LPIN1: variants seen among roughly 807,000 people sequenced by gnomAD.
LPIN1 encodes the protein lipin 1.
LPIN1 carries 71 observed loss-of-function variants against 107.5 expected under a neutral mutation model. The ratio of observed to expected loss-of-function variants is 0.66; its 90% CI spans 0.55 to 0.80. The LOEUF (loss-of-function observed/expected upper bound fraction) is 0.80. Among genes scored for constraint, LPIN1 ranks in the 30% least tolerant of loss-of-function variants. LPIN1 has a pLI of 0.00. For synonymous variants in LPIN1, 445 were observed against 452.6 expected (o/e 0.98, Z 0.21); for missense variants, 1,043 against 1,160.6 (o/e 0.90, Z 1.47).
intron 8 of LPIN1, among the ~76,000 whole-genome samples, chr2:11,782,757 A>G (rs1324618713): frequency 6.6e-6 from 1 of 152,174 alleles, no homozygotes; most frequent in Non-Finnish European, 1.5e-5. Flanking sequence ...GCTCGCTGAG[A>G]CCTGGGAGAG....
At chr2:11,764,041 A>C (rs1670314861) in intron 1 of LPIN1, among the ~76,000 whole-genome samples, 1 of 137,852 alleles carries the variant, frequency 7.3e-6, no homozygotes, top group Non-Finnish European at 1.5e-5. Flanking sequence ...CCAGAGCAAG[A>C]TCCTATCTTC....
chr2:11,691,392 G>A (rs1424499805), intron 1 of LPIN1, among the ~76,000 whole-genome samples: 4 of 152,074 alleles, frequency 2.6e-5, no homozygotes, highest in Non-Finnish European at 5.9e-5. Context: ...ACATGTTTAA[G>A]CCTCTTTTCA....
chr2:11,677,580 G>C, upstream of LPIN1: 1 of 1,195,974 alleles, frequency 8.4e-7, no homozygotes, highest in Non-Finnish European at 1.2e-6. Context: ...TTCTGAGCCG[G>C]TGTTGCCGGG....
chr2:11,812,551 A>G (rs1679852985), intron 17 of LPIN1, among the ~76,000 whole-genome samples: 1 of 152,318 alleles, frequency 6.6e-6, no homozygotes, highest in African/African-American at 2.4e-5. Flanking sequence ...TGCTCTAGGC[A>G]GGAGGAACGG....
chr2:11,825,176 A>G lies in LPIN1; in HGVS notation c.*385A>G, dbSNP rs141754682. The G allele has an allele frequency of 1.7e-4, 49 of 288,008 alleles. No individual in the cohort carries two copies. The highest frequency in any genetic ancestry group is 9.1e-4 in the Admixed American group (19 of 20,908). The allele number at this position is 288,008 out of a possible 1,614,324, so 17.8% of individuals were successfully genotyped here. ...GCTGTCCCCGCCTAGGACAGGGTCA[A>G]TCGAGGAATGCCAGATGTGCACGGT... On this transcript the variant is annotated 3_prime_UTR_variant, in exon 21 of 21. Transcript: ENST00000674199. This position sits in a 1 kb window ranked among gnomAD's most constrained non-coding sequence, Gnocchi z 4.1.
rs80078893 is a variant in LPIN1, at chr2:11,700,409, C to T, written c.82-13347C>T. Among the ~76,000 whole-genome samples, 928 of 152,226 alleles carry T rather than the reference C, an allele frequency of 6.1e-3. 7 individuals carry two copies. Among genetic ancestry groups the T allele is most frequent in the East Asian group, 0.033 (173 of 5,176 alleles). On this transcript the variant is annotated intron_variant, in intron 1 of 21. Transcript: ENST00000449576. ...ACACTGGTTTGTGTGACCTTCACAA[C>T]CTGTCTCATCCTGACCTCTGGTCCA...
chr2:11,763,959 A>ATT (rs1296790459), intron 1 of LPIN1, among the ~76,000 whole-genome samples: 40 of 108,724 alleles, frequency 3.7e-4, no homozygotes, highest in Non-Finnish European at 5.8e-4. Context: ...ACTGACATAT[A>ATT]TTTTAGTGTG....
rs574188048 is a variant in LPIN1, at chr2:11,679,642, G to T, written c.81+1914G>T. ...GTTTGATAAACGCTTGTTGACAGAT[G>T]GACGGGATACTAAGCCCCAGGCTAA... is the stretch of plus-strand genomic sequence containing the variant. On this transcript the variant is annotated intron_variant, in intron 1 of 21. Transcript: ENST00000449576. Among the ~76,000 whole-genome samples the T allele has an allele frequency of 4.6e-5, 7 of 152,332 alleles. No individual in the cohort carries two copies. In the South Asian group the frequency reaches 1.4e-3, roughly 32 times the overall value.
intron 13 of LPIN1, 72 bp downstream of exon 13, chr2:11,792,078 G>C: frequency 7.9e-7 from 1 of 1,268,900 alleles, no homozygotes. Flanking sequence ...TGGTTTTCAT[G>C]TACTTACATC....
upstream of LPIN1, among the ~76,000 whole-genome samples, chr2:11,719,389 G>C (rs1045413876): frequency 1.3e-5 from 2 of 152,190 alleles, no homozygotes; most frequent in South Asian, 4.1e-4. Flanking sequence ...TGGGGCTCCT[G>C]AGGCCAGTGC....
chr2:11,795,292 G>T, intron 13 of LPIN1, 116 bp from the exon 14 acceptor site: 1 of 844,022 alleles, frequency 1.2e-6, no homozygotes, highest in Non-Finnish European at 2.0e-6. Context: ...GGGCGTCATT[G>T]GGGAATGGTC....
At chr2:11,694,327 G>A (rs530484321) in intron 1 of LPIN1, among the ~76,000 whole-genome samples, 12 of 152,262 alleles carry the variant, frequency 7.9e-5, no homozygotes, top group African/African-American at 2.9e-4. Flanking sequence ...CTATCTGAGA[G>A]GCTCATGCAA....
intron 4 of LPIN1, 35 bp from the exon 5 acceptor site, chr2:11,773,585 A>C: frequency 6.3e-7 from 1 of 1,586,444 alleles, no homozygotes; most frequent in Non-Finnish European, 8.6e-7. Flanking sequence ...ATCATTAAGA[A>C]TTCTTTGACT....
intron 1 of LPIN1, chr2:11,713,616 C>T (rs1663544339): frequency 3.5e-6 from 2 of 579,230 alleles, no homozygotes; most frequent in Non-Finnish European, 6.1e-6. Context: ...TGGCATATAG[C>T]CTACATACCA....
chr2:11,699,937 T>A (rs1336514796), intron 1 of LPIN1, among the ~76,000 whole-genome samples: 2 of 151,738 alleles, frequency 1.3e-5, no homozygotes, highest in African/African-American at 4.8e-5. Context: ...GTTTCTTCAA[T>A]TAAAAAAAAA....
At chr2:11,724,283 G>A (rs1664379183), upstream of LPIN1, 2 of 917,268 alleles carry the variant, frequency 2.2e-6, no homozygotes, top group Non-Finnish European at 1.3e-6. Context: ...GTCCCCGTGG[G>A]GGGCATCAGA....
At chr2:11,785,377 T>C (rs978176880) in intron 10 of LPIN1, among the ~76,000 whole-genome samples, 6 of 152,072 alleles carry the variant, frequency 3.9e-5, no homozygotes, top group Admixed American at 2.0e-4. Context: ...CTAATTAAAT[T>C]AGAGGGTGTC....
chr2:11,760,190 C>T (rs1375827265), intron 1 of LPIN1, among the ~76,000 whole-genome samples: 7 of 150,908 alleles, frequency 4.6e-5, no homozygotes, highest in Non-Finnish European at 1.0e-4. Flanking sequence ...CTCCTCACTT[C>T]CCAGACTGGG....
intron 9 of LPIN1, chr2:11,784,307 A>C: frequency 1.5e-6 from 1 of 680,454 alleles, no homozygotes; most frequent in South Asian, 3.4e-5. Flanking sequence ...CCATCTCAAA[A>C]AAAAAAAAAA....
Sources: gnomAD v4.1 joint callset for allele counts (sites outside exome capture counted in the v4.1 genomes callset) on GRCh38, gnomAD v4.1.1 for gene constraint, Gnocchi (gnomAD v3.1) non-coding constraint, MANE v1.5 for transcripts, NCBI Gene and HGNC (gene_info 2026-07-23, HGNC 2026-07-21) for gene names.